SLC6A12: variants seen among roughly 807,000 people sequenced by gnomAD.
The protein encoded by SLC6A12 is solute carrier family 6 member 12, also known as sodium- and chloride-dependent betaine transporter.
A neutral mutation model predicts 73.3 loss-of-function variants in SLC6A12; 50 were observed. That is an observed-to-expected ratio of 0.68 (90% CI 0.54 to 0.86). The LOEUF (loss-of-function observed/expected upper bound fraction) is 0.86, where lower values mean the gene tolerates loss of function less well. Among genes scored for constraint, SLC6A12 ranks in the 40% least tolerant of loss-of-function variants. SLC6A12 has a pLI of 0.00. For missense variants in SLC6A12, 648 were observed against 772.8 expected (o/e 0.84, Z 1.92); for synonymous variants, 304 against 309.2 (o/e 0.98, Z 0.18).
intron 3 of SLC6A12, 124 bp downstream of exon 3, chr12:209,649 C>T (rs1940820596): frequency 1.6e-5 from 16 of 1,000,462 alleles, no homozygotes; most frequent in Non-Finnish European, 2.5e-5. Flanking sequence ...AAACTCAAGT[C>T]CTCCAATTCC....
downstream of SLC6A12, among the ~76,000 whole-genome samples, chr12:187,916 A>G (rs1310289174): frequency 6.6e-6 from 1 of 152,130 alleles, no homozygotes; most frequent in Non-Finnish European, 1.5e-5. Flanking sequence ...ACAAACCCTG[A>G]GCTAGACACA....
Position 201,824 on chromosome 12 carries a change from G to T in SLC6A12, c.516C>A (p.His172Gln), listed in dbSNP as rs1940280445. 1 of 1,613,980 alleles carries T rather than the reference G, an allele frequency of 6.2e-7. No homozygotes were observed. Among genetic ancestry groups the T allele is most frequent in the African/African-American group, 1.3e-5 (1 of 74,916 alleles). The stretch of plus-strand genomic sequence containing the variant: ...ATGGGGTCACTGTGCCGGCTCCTGA[G>T]TGGTTCAGAAAGTCCGTGCAATGCT... ...NTEHCTDFLN[H>Q]SGAGTVTPFE... The change falls in exon 6 of 16, where the codon CAC becomes CAA. Residue 172 changes from histidine to glutamine, a missense_variant. By Grantham distance (24) the His-to-Gln change is conservative (BLOSUM62 0). Coordinates refer to ENST00000684302, the MANE Select transcript of SLC6A12 (RefSeq NM_001122848.3).
In SLC6A12 at chr12:197,474, G is replaced by A. The variant is rs1017071658; in HGVS notation, c.978C>T (p.Asn326=). The change falls in exon 10 of 16, where the codon AAC becomes AAT. Residue 326 remains asparagine (N), a synonymous_variant. Coordinates refer to ENST00000684302, the MANE Select transcript of SLC6A12 (RefSeq NM_001122848.3). ...ACCCAGCCACAAAGCTGGTGGCACT[G>A]TTCAGGAAGCAGAGGGCGATGCAGT... is the stretch of plus-strand genomic sequence containing the variant. ...YKDCIALCFL[N]SATSFVAGFV... is the part of the protein sequence containing the mutation. 6.2e-7 allele frequency: 1 copy of A among 1,613,930 alleles called. No individual in the cohort carries two copies. Among genetic ancestry groups the A allele is most frequent in the Non-Finnish European group, 8.5e-7 (1 of 1,179,896 alleles).
chr12:187,626 AAAAAAC>A (rs1939459602), downstream of SLC6A12, among the ~76,000 whole-genome samples: 6 of 43,974 alleles, frequency 1.4e-4, no homozygotes, highest in African/African-American at 3.6e-4. Context: ...AAAAAAAAAA[AAAAAAC>A]AAACCACACA....
At chr12:188,768 G>T, downstream of SLC6A12, among the ~76,000 whole-genome samples, 1 of 152,326 alleles carries the variant, frequency 6.6e-6, no homozygotes, top group South Asian at 2.1e-4. Flanking sequence ...GCTGGAGAGT[G>T]AAACAGTTGC....
chr12:208,120 AG>A (rs1940740911), intron 3 of SLC6A12, among the ~76,000 whole-genome samples: 1 of 152,190 alleles, frequency 6.6e-6, no homozygotes, highest in South Asian at 2.1e-4. Context: ...GGCCCTCTGC[AG>A]TCCTGGGCAA....
At position 213,378 on chromosome 12, in the gene SLC6A12, CCT is replaced by C. The variant is rs1175336935; in HGVS notation, c.-143+542_-143+543del. 5.2e-5 allele frequency: 8 copies of C among 152,550 alleles called. No individual in the cohort carries two copies. Among genetic ancestry groups the C allele is most frequent in the African/African-American group, 1.7e-4 (7 of 41,464 alleles). 9.4% of individuals were successfully genotyped at this position (152,550 alleles called of 1,614,324 possible). ...TCAGCTGGTGGCTGCCTGCAACTCC[CCT>C]GAGTGCCCCCCTCGGGTACAAGCAC... On this transcript the variant is annotated intron_variant, in intron 1 of 15. Coordinates refer to ENST00000684302, the MANE Select transcript of SLC6A12 (RefSeq NM_001122848.3). This position sits in a 1 kb window ranked among gnomAD's most constrained non-coding sequence, Gnocchi z 5.3.
At position 202,804 on chromosome 12, in the gene SLC6A12, G is replaced by A. The variant is rs752430706; in HGVS notation, c.426C>T (p.Phe142=). 1.7e-5 allele frequency: 28 copies of A among 1,614,036 alleles called. No homozygotes were observed. The highest frequency in any genetic ancestry group is 2.3e-5 in the Non-Finnish European group (27 of 1,179,896). ...CAGAAGTGAAGGAGCTGAACAGGTA[G>A]AAGAGAGCCCAGGCAAGGATGATGA... ...YYIIILAWAL[F]YLFSSFTSEL... The change falls in exon 5 of 16, where the codon TTC becomes TTT. Residue 142 remains phenylalanine (F), a synonymous_variant. Transcript: ENST00000684302.
downstream of SLC6A12, among the ~76,000 whole-genome samples, chr12:187,754 T>C (rs557238595): frequency 6.6e-6 from 1 of 152,196 alleles, no homozygotes; most frequent in East Asian, 1.9e-4. Context: ...TTGGTCCATT[T>C]TACAGAGAGC....
At chr12:192,767 G>A in intron 14 of SLC6A12, 119 bp from the exon 15 acceptor site, 2 of 933,586 alleles carry the variant, frequency 2.1e-6, no homozygotes, top group East Asian at 2.5e-5. Flanking sequence ...CTGTAAGGTG[G>A]AAGAGTAAAA....
intron 7 of SLC6A12, 106 bp from the exon 8 acceptor site, chr12:199,037 A>C: frequency 8.9e-7 from 1 of 1,119,326 alleles, no homozygotes; most frequent in Non-Finnish European, 1.3e-6. Flanking sequence ...TCCCAACCTC[A>C]GAGACAGCCT....
intron 6 of SLC6A12, 130 bp from the exon 7 acceptor site, chr12:200,913 C>T: frequency 1.2e-6 from 1 of 867,916 alleles, no homozygotes; most frequent in Non-Finnish European, 1.7e-6. Context: ...CCACTCCCCA[C>T]CTCCCCCACA....
Position 201,815 on chromosome 12 carries a change from G to T in SLC6A12, c.525C>A (p.Ala175=). 6.2e-7 allele frequency: 1 copy of T among 1,614,076 alleles called. No homozygotes were observed. The highest frequency in any genetic ancestry group is 1.3e-5 in the African/African-American group (1 of 75,042). The change falls in exon 6 of 16, where the codon GCC becomes GCA. Residue 175 remains alanine (A), a synonymous_variant. Transcript: ENST00000684302. ...AATTCTCAAATGGGGTCACTGTGCC[G>T]GCTCCTGAGTGGTTCAGAAAGTCCG... ...HCTDFLNHSG[A]GTVTPFENFT...
intron 7 of SLC6A12, among the ~76,000 whole-genome samples, chr12:200,081 C>T (rs1467616442): frequency 6.9e-6 from 1 of 144,364 alleles, no homozygotes; most frequent in Non-Finnish European, 1.5e-5. Flanking sequence ...TGAGATTTTT[C>T]TGTTTCTAAT....
chr12:198,768 T>TG lies in SLC6A12; in HGVS notation c.846+28dup. On this transcript the variant is annotated intron_variant, in intron 8 of 15. Transcript: ENST00000684302. This position sits in a 1 kb window ranked among gnomAD's most constrained non-coding sequence, Gnocchi z 4.0. ...GACCTGGCTGGGTGGGGAAGGCACC[T>TG]GGGGAAGTGGTCCCAGCACGGTACA... 1 of 1,609,182 alleles carries TG rather than the reference T, an allele frequency of 6.2e-7. No individual in the cohort carries two copies. The highest frequency in any genetic ancestry group is 8.5e-7 in the Non-Finnish European group (1 of 1,176,414).
At chr12:187,210 G>A (rs769361169), downstream of SLC6A12, among the ~76,000 whole-genome samples, 2 of 152,126 alleles carry the variant, frequency 1.3e-5, no homozygotes, top group Non-Finnish European at 2.9e-5. Flanking sequence ...CAAAGGAAAC[G>A]AGATGAAAGT....
rs1260154577 is a variant in SLC6A12 at position 198,017 on chromosome 12, C to T, written c.847-14G>A. The T allele has an allele frequency of 6.2e-7, 1 of 1,611,108 alleles. No individual in the cohort carries two copies. The highest frequency in any genetic ancestry group is 8.5e-7 in the Non-Finnish European group (1 of 1,177,624). On this transcript the variant is annotated splice_polypyrimidine_tract_variant and intron_variant, in intron 8 of 15. Coordinates refer to ENST00000684302, the MANE Select transcript of SLC6A12 (RefSeq NM_001122848.3). This position sits in a 1 kb window ranked among gnomAD's most constrained non-coding sequence, Gnocchi z 4.0. ...ATCCATCCACACCTACACAAAACCC[C>T]AAGAAAGAGGTAGAGGCAGCCCCCA...
intron 13 of SLC6A12, 145 bp from the exon 14 acceptor site, chr12:193,522 C>T (rs2137112129): frequency 1.7e-6 from 1 of 601,146 alleles, no homozygotes; most frequent in South Asian, 2.0e-5. Flanking sequence ...GAGTGAGACG[C>T]CTCCCTGACA....
chr12:185,237 G>A (rs894106812), downstream of SLC6A12, among the ~76,000 whole-genome samples: 1 of 152,224 alleles, frequency 6.6e-6, no homozygotes, highest in African/African-American at 2.4e-5. Flanking sequence ...CGCTCCCCCG[G>A]CCCCACCCGC....
Sources: gnomAD v4.1 joint callset for allele counts (sites outside exome capture counted in the v4.1 genomes callset) on GRCh38, gnomAD v4.1.1 for gene constraint, Gnocchi (gnomAD v3.1) non-coding constraint, MANE v1.5 for transcripts, NCBI Gene and HGNC (gene_info 2026-07-23, HGNC 2026-07-21) for gene names.